PLPPR5: variants seen among roughly 807,000 people sequenced by gnomAD.
PLPPR5 encodes the protein phospholipid phosphatase-related protein type 5.
PLPPR5 carries 16 observed loss-of-function variants against 33.9 expected under a neutral mutation model. That is an observed-to-expected ratio of 0.47 (90% CI 0.32 to 0.72). The LOEUF (loss-of-function observed/expected upper bound fraction) is 0.72, where lower values mean the gene tolerates loss of function less well. Among genes scored for constraint, PLPPR5 ranks in the 30% least tolerant of loss-of-function variants. The pLI, the probability that PLPPR5 is intolerant of heterozygous loss-of-function variation, is 0.03. For synonymous variants in PLPPR5, 163 were observed against 150.3 expected, an observed-to-expected ratio of 1.08 and a Z score of -0.62; for missense variants, 301 against 406.7, an observed-to-expected ratio of 0.74 and a Z score of 2.23.
intron 1 of PLPPR5, among the ~76,000 whole-genome samples, chr1:98,981,107 A>AT (rs1038238675): frequency 6.6e-6 from 1 of 152,030 alleles, no homozygotes; most frequent in Non-Finnish European, 1.5e-5. Context: ...CCAATATTAT[A>AT]TTTTTTCTCT....
At chr1:98,912,833 C>A (rs1183816856) in intron 5 of PLPPR5, among the ~76,000 whole-genome samples, 2 of 152,134 alleles carry the variant, frequency 1.3e-5, no homozygotes, top group Non-Finnish European at 2.9e-5. Context: ...ACCATCAGCA[C>A]AGGACTTGAC....
At chr1:98,946,486 T>A (rs1650556495) in intron 3 of PLPPR5, among the ~76,000 whole-genome samples, 1 of 152,144 alleles carries the variant, frequency 6.6e-6, no homozygotes, top group East Asian at 1.9e-4. Flanking sequence ...CGTGCTGAGG[T>A]TCCCCCTTAC....
intron 3 of PLPPR5, among the ~76,000 whole-genome samples, chr1:98,930,817 A>C (rs2101175620): frequency 6.6e-6 from 1 of 151,860 alleles, no homozygotes; most frequent in Admixed American, 6.6e-5. Flanking sequence ...GCTTGCGATT[A>C]CCCTCCCCAA....
chr1:98,965,133 T>G (rs1651390055), intron 1 of PLPPR5, among the ~76,000 whole-genome samples: 1 of 152,012 alleles, frequency 6.6e-6, no homozygotes, highest in Non-Finnish European at 1.5e-5. Flanking sequence ...ATCTATGCAC[T>G]CAGAGCTGGG....
intron 1 of PLPPR5, among the ~76,000 whole-genome samples, chr1:98,959,201 T>C (rs1283404136): frequency 6.6e-6 from 1 of 152,206 alleles, no homozygotes; most frequent in Non-Finnish European, 1.5e-5. Flanking sequence ...AGTCCCTGAC[T>C]TGATAATTCT....
At chr1:98,974,935 AAACCC>A (rs1433485918) in intron 1 of PLPPR5, among the ~76,000 whole-genome samples, 1 of 152,014 alleles carries the variant, frequency 6.6e-6, no homozygotes, top group Non-Finnish European at 1.5e-5. Flanking sequence ...TTTTGCTGCT[AAACCC>A]TATATGGTGG....
intron 1 of PLPPR5, among the ~76,000 whole-genome samples, chr1:98,974,297 G>C (rs1051549928): frequency 1.9e-4 from 29 of 152,036 alleles, no homozygotes; most frequent in African/African-American, 6.5e-4. Flanking sequence ...AAATGTTCAA[G>C]CAAGGAGGTT....
At chr1:98,973,451 G>C (rs1017095452) in intron 1 of PLPPR5, among the ~76,000 whole-genome samples, 13 of 151,884 alleles carry the variant, frequency 8.6e-5, no homozygotes, top group African/African-American at 3.1e-4. Context: ...CACATGGCTT[G>C]AAAGGACAGG....
intron 3 of PLPPR5, among the ~76,000 whole-genome samples, chr1:98,950,363 C>T (rs962736641): frequency 2.0e-5 from 3 of 152,054 alleles, no homozygotes; most frequent in African/African-American, 7.2e-5. Context: ...CAATTGGTGC[C>T]TGACACATGG....
intron 3 of PLPPR5, among the ~76,000 whole-genome samples, chr1:98,930,909 A>G (rs928120560): frequency 5.3e-5 from 8 of 152,014 alleles, no homozygotes; most frequent in Non-Finnish European, 1.2e-4. Flanking sequence ...CTCACTTTAC[A>G]CCCTTTCAAG....
At chr1:98,944,510 C>T (rs1650486118) in intron 3 of PLPPR5, among the ~76,000 whole-genome samples, 1 of 152,234 alleles carries the variant, frequency 6.6e-6, no homozygotes, top group African/African-American at 2.4e-5. Context: ...AATGACTAGA[C>T]ACCATGTATG....
chr1:98,928,825 G>C (rs949232468), intron 3 of PLPPR5, among the ~76,000 whole-genome samples: 13 of 151,450 alleles, frequency 8.6e-5, no homozygotes, highest in Non-Finnish European at 1.9e-4. Flanking sequence ...TTAAATATTT[G>C]TTAATATATT....
At chr1:98,948,750 G>A (rs1650652998) in intron 3 of PLPPR5, among the ~76,000 whole-genome samples, 1 of 152,158 alleles carries the variant, frequency 6.6e-6, no homozygotes, top group Non-Finnish European at 1.5e-5. Context: ...TGCTGTCTCG[G>A]CTGAGCCCAA....
intron 5 of PLPPR5, among the ~76,000 whole-genome samples, chr1:98,896,865 C>G (rs1334476358): frequency 6.6e-6 from 1 of 151,854 alleles, no homozygotes; most frequent in African/African-American, 2.4e-5. Flanking sequence ...TTAATTAAGA[C>G]AAAACTGTCA....
At chr1:98,917,818 T>C (rs2101156365) in intron 4 of PLPPR5, among the ~76,000 whole-genome samples, 1 of 152,362 alleles carries the variant, frequency 6.6e-6, no homozygotes, top group African/African-American at 2.4e-5. Context: ...TTGATGTGTC[T>C]CTTCCAAGTT....
At chr1:98,897,252 C>T (rs530995240) in intron 5 of PLPPR5, among the ~76,000 whole-genome samples, 43 of 151,984 alleles carry the variant, frequency 2.8e-4, no homozygotes, top group African/African-American at 8.7e-4. Flanking sequence ...AGCGCACATA[C>T]GTTTATTGCC....
chr1:98,940,026 A>G (rs773731275), intron 3 of PLPPR5, among the ~76,000 whole-genome samples: 1 of 151,866 alleles, frequency 6.6e-6, no homozygotes, highest in Non-Finnish European at 1.5e-5. Flanking sequence ...GTCTAGTGTA[A>G]ACGAGTGGAA....
chr1:98,984,821 C>A (rs1177679852), intron 1 of PLPPR5, among the ~76,000 whole-genome samples: 2 of 151,480 alleles, frequency 1.3e-5, no homozygotes, highest in Admixed American at 1.3e-4. Flanking sequence ...TGAGTCCAGG[C>A]AAAGAAAATA....
intron 5 of PLPPR5, among the ~76,000 whole-genome samples, chr1:98,897,681 C>T (rs1648530927): frequency 6.6e-6 from 1 of 152,146 alleles, no homozygotes. Context: ...GCTGCGGAAG[C>T]TGTGTGGTAC....
Sources: allele counts gnomAD v4.1 joint callset (sites outside exome capture counted in the v4.1 genomes callset), GRCh38; gene constraint gnomAD v4.1.1; transcripts MANE v1.5; gene names NCBI Gene and HGNC (gene_info 2026-07-23, HGNC 2026-07-21).